The following IL1RAPL2 variants were observed in gnomAD, a reference collection of about 807,000 sequenced individuals.
IL1RAPL2 encodes X-linked interleukin-1 receptor accessory protein-like 2.
A neutral mutation model predicts 44.1 loss-of-function variants in IL1RAPL2; 3 were observed. The observed-to-expected ratio is 0.07, with a 90% confidence interval of 0.03 to 0.18. The LOEUF (loss-of-function observed/expected upper bound fraction) is 0.18. IL1RAPL2 is among the 10% of genes least tolerant of loss of function. The probability of loss-of-function intolerance (pLI) is 1.00; values close to 1 mark genes in which losing one functional copy is unlikely to be tolerated. For missense variants in IL1RAPL2, 391 were observed against 496.4 expected (o/e 0.79, Z 2.02); for synonymous variants, 181 against 178.8 (o/e 1.01, Z -0.10).
At chrX:105,323,248 A>C (rs1303058593) in intron 5 of IL1RAPL2, among the ~76,000 whole-genome samples, 1 of 112,590 alleles carries the variant, frequency 8.9e-6, no homozygotes, top group Admixed American at 9.4e-5. Flanking sequence ...CTTTTAAATC[A>C]ATGAATAATT....
chrX:105,172,813 TG>T (rs1474755793), intron 2 of IL1RAPL2, among the ~76,000 whole-genome samples: 1 of 110,843 alleles, frequency 9.0e-6, no homozygotes, highest in Non-Finnish European at 1.9e-5. Context: ...TGGGGGCATT[TG>T]GGGGGTCATT....
chrX:104,736,288 A>G (rs1932011271), intron 2 of IL1RAPL2, among the ~76,000 whole-genome samples: 1 of 112,112 alleles, frequency 8.9e-6, no homozygotes, highest in Non-Finnish European at 1.9e-5. Context: ...CTTCCTCAGA[A>G]GATTATATAG....
chrX:105,523,395 A>G (rs1164761808), intron 6 of IL1RAPL2, among the ~76,000 whole-genome samples: 1 of 111,658 alleles, frequency 9.0e-6, no homozygotes, highest in Non-Finnish European at 1.9e-5. Flanking sequence ...TTTTAGGGCT[A>G]TGAGCATTAA....
At chrX:105,581,475 T>C (rs2037088817) in intron 6 of IL1RAPL2, among the ~76,000 whole-genome samples, 1 of 111,641 alleles carries the variant, frequency 9.0e-6, no homozygotes, top group Non-Finnish European at 1.9e-5. Context: ...CATTTAATAG[T>C]TTATTATGAA....
At chrX:105,571,607 G>C (rs371498100) in intron 6 of IL1RAPL2, among the ~76,000 whole-genome samples, 4 of 110,948 alleles carry the variant, frequency 3.6e-5, no homozygotes, top group South Asian at 7.7e-4. Context: ...TATTATGGTT[G>C]ATAATCTCAT....
At chrX:104,911,919 C>T (rs1015293831) in intron 2 of IL1RAPL2, among the ~76,000 whole-genome samples, 1 of 111,562 alleles carries the variant, frequency 9.0e-6, no homozygotes, top group African/African-American at 3.3e-5. Flanking sequence ...AAATCTTCTC[C>T]GTATTCAGGC....
At chrX:105,594,681 G>A (rs1311715760) in intron 6 of IL1RAPL2, among the ~76,000 whole-genome samples, 5 of 111,907 alleles carry the variant, frequency 4.5e-5, no homozygotes, top group Non-Finnish European at 9.4e-5. Flanking sequence ...CAGGGTAGGT[G>A]TCCATTGACA....
intron 5 of IL1RAPL2, among the ~76,000 whole-genome samples, chrX:105,346,646 C>T (rs764642887): frequency 5.4e-5 from 6 of 111,290 alleles, no homozygotes; most frequent in South Asian, 3.8e-4. Context: ...TACAGGTTTG[C>T]GGGGACAGGA....
intron 2 of IL1RAPL2, among the ~76,000 whole-genome samples, chrX:104,903,922 G>A (rs962362010): frequency 2.7e-5 from 3 of 111,319 alleles, no homozygotes; most frequent in Non-Finnish European, 3.8e-5. Context: ...TTACAGAAGG[G>A]ATAAGTAGTG....
chrX:105,151,876 T>C (rs772844958), intron 2 of IL1RAPL2, among the ~76,000 whole-genome samples: 82 of 111,643 alleles, frequency 7.3e-4, no homozygotes, highest in African/African-American at 2.6e-3. Flanking sequence ...GAGACTATTA[T>C]TCTAAGTGAA....
intron 5 of IL1RAPL2, among the ~76,000 whole-genome samples, chrX:105,361,794 A>G (rs376151910): frequency 3.9e-4 from 44 of 111,941 alleles, no homozygotes; most frequent in African/African-American, 1.3e-3. Context: ...AGAGGACTTA[A>G]TTTCAAGTCT....
chrX:105,580,366 T>TC (rs2037080834), intron 6 of IL1RAPL2, among the ~76,000 whole-genome samples: 2 of 106,782 alleles, frequency 1.9e-5, no homozygotes, highest in South Asian at 8.6e-4. Flanking sequence ...CCCCGTGTTT[T>TC]TTTTTTTTTT....
chrX:104,855,680 C>CTTTTTTTTTTTTT (rs1304044009), intron 2 of IL1RAPL2, among the ~76,000 whole-genome samples: 26 of 53,802 alleles, frequency 4.8e-4, no homozygotes, highest in African/African-American at 1.6e-3. Context: ...GATCTGGATC[C>CTTTTTTTTTTTTT]GTTTTTTTTT....
chrX:105,089,529 C>G (rs370940399), intron 2 of IL1RAPL2, among the ~76,000 whole-genome samples: 2 of 110,958 alleles, frequency 1.8e-5, no homozygotes, highest in East Asian at 5.7e-4. Flanking sequence ...CCTTCCCCAC[C>G]TCATTTTCCA....
intron 2 of IL1RAPL2, among the ~76,000 whole-genome samples, chrX:105,137,901 AC>A (rs1040964025): frequency 1.1e-4 from 12 of 111,183 alleles, no homozygotes; most frequent in Non-Finnish European, 2.3e-4. Context: ...CCTCGTCTGT[AC>A]AAACACAATA....
At chrX:105,712,273 C>T (rs774769132) in intron 6 of IL1RAPL2, among the ~76,000 whole-genome samples, 1 of 111,776 alleles carries the variant, frequency 8.9e-6, no homozygotes, top group Non-Finnish European at 1.9e-5. Flanking sequence ...ATAGATTATA[C>T]CTTCCATTTT....
At chrX:105,455,947 C>A (rs1011017228) in intron 5 of IL1RAPL2, among the ~76,000 whole-genome samples, 40 of 112,251 alleles carry the variant, frequency 3.6e-4, no homozygotes, top group African/African-American at 1.3e-3. Context: ...TTCTTCCTAT[C>A]TATGAGCATG....
At position 104,768,228 on chromosome X, in the gene IL1RAPL2, T is replaced by C. The variant is rs183277554; in HGVS notation, c.82+109233T>C. On this transcript the variant is annotated intron_variant, in intron 2 of 10. Coordinates refer to ENST00000372582, the MANE Select transcript of IL1RAPL2 (RefSeq NM_017416.2). Reference sequence around the variant, plus strand: ...AAAGTATACATACCTGGTTGTACAATATATCTCTTGAATGCTTTCCTCCTA... The same window carrying C: ...AAAGTATACATACCTGGTTGTACAACATATCTCTTGAATGCTTTCCTCCTA... Among the ~76,000 whole-genome samples the C allele has an allele frequency of 6.4e-4, 72 of 111,642 alleles. 1 individual carries two copies. Among genetic ancestry groups the C allele is most frequent in the African/African-American group, 2.2e-3 (68 of 30,772 alleles).
In IL1RAPL2 at chrX:105,018,435, T is replaced by C. The variant is rs760309951; in HGVS notation, c.83-177040T>C. ...GCCTCACTTCAGTTGCCTTCTCTTGTACTTCCATAGCAATTTACATATGCC... is the reference window on the plus strand; with the variant it reads ...GCCTCACTTCAGTTGCCTTCTCTTGCACTTCCATAGCAATTTACATATGCC... On this transcript the variant is annotated intron_variant, in intron 2 of 10. Transcript: ENST00000372582. Among the ~76,000 whole-genome samples, 23 of 111,787 alleles carry C rather than the reference T, an allele frequency of 2.1e-4. 1 individual carries two copies. The South Asian group carries it at 8.2e-3, about 40-fold the overall frequency.
Sources: allele counts gnomAD v4.1 joint callset (sites outside exome capture counted in the v4.1 genomes callset), GRCh38; gene constraint gnomAD v4.1.1; transcripts MANE v1.5; gene names NCBI Gene and HGNC (gene_info 2026-07-23, HGNC 2026-07-21).